Variants in SNW1 observed in about 807,000 individuals in gnomAD.
SNW1 encodes SNW domain containing 1, also known as SNW domain-containing protein 1.
A neutral mutation model predicts 75.6 loss-of-function variants in SNW1; 9 were observed. The ratio of observed to expected loss-of-function variants is 0.12; its 90% CI spans 0.07 to 0.21. SNW1 has a LOEUF of 0.21. Among genes scored for constraint, SNW1 ranks in the 10% least tolerant of loss-of-function variants. The pLI, the probability that SNW1 is intolerant of heterozygous loss-of-function variation, is 1.00. For missense variants in SNW1, 409 were observed against 670.9 expected, an observed-to-expected ratio of 0.61 and a Z score of 4.31; for synonymous variants, 200 against 219.1, an observed-to-expected ratio of 0.91 and a Z score of 0.77.
At chr14:77,727,863 A>G (rs868179673) in intron 10 of SNW1, among the ~76,000 whole-genome samples, 38 of 151,936 alleles carry the variant, frequency 2.5e-4, no homozygotes, top group African/African-American at 8.9e-4. Flanking sequence ...TTTTTGTTGT[A>G]TATTTGTCTA....
intron 8 of SNW1, among the ~76,000 whole-genome samples, chr14:77,733,346 TCAAA>T (rs1376707611): frequency 2.0e-5 from 3 of 152,302 alleles, no homozygotes; most frequent in South Asian, 4.1e-4. Flanking sequence ...AATTTAACAG[TCAAA>T]CAAAGGTAGA....
chr14:77,747,521 G>A (rs1297034130), intron 3 of SNW1, among the ~76,000 whole-genome samples: 1 of 151,198 alleles, frequency 6.6e-6, no homozygotes, highest in Non-Finnish European at 1.5e-5. Context: ...GAGCGCCTCT[G>A]CCCCGCCGCC....
At chr14:77,741,303 C>G (rs1386510381) in intron 3 of SNW1, among the ~76,000 whole-genome samples, 1 of 151,962 alleles carries the variant, frequency 6.6e-6, no homozygotes, top group Non-Finnish European at 1.5e-5. Context: ...AGCTTGAGCC[C>G]AGGAATTCGA....
intron 9 of SNW1, among the ~76,000 whole-genome samples, chr14:77,731,908 G>C (rs917084612): frequency 2.6e-4 from 40 of 152,120 alleles, no homozygotes; most frequent in African/African-American, 9.2e-4. Flanking sequence ...GCTAATGTTT[G>C]TATTTTTAGT....
intron 3 of SNW1, among the ~76,000 whole-genome samples, chr14:77,748,901 T>A (rs1193832799): frequency 1.3e-5 from 2 of 152,164 alleles, no homozygotes; most frequent in African/African-American, 4.8e-5. Context: ...TGTATAATTT[T>A]TTTTAAAAAA....
chr14:77,729,811 G>C (rs1222715600), intron 10 of SNW1, among the ~76,000 whole-genome samples: 1 of 152,070 alleles, frequency 6.6e-6, no homozygotes, highest in Non-Finnish European at 1.5e-5. Context: ...TTTGCCAATT[G>C]TACCTCAATA....
At chr14:77,718,605 G>C (rs1017686236) in intron 12 of SNW1, 75 bp from the exon 13 acceptor site, 1 of 984,650 alleles carries the variant, frequency 1.0e-6, no homozygotes, top group African/African-American at 1.6e-5. Flanking sequence ...CATGTTTACA[G>C]TAAACCCTTG....
In SNW1 at chr14:77,760,369, T is replaced by G. The variant is rs187893233; in HGVS notation, c.14+745A>C. Among the ~76,000 whole-genome samples, 32 of 152,318 alleles carry G rather than the reference T, an allele frequency of 2.1e-4. No individual in the cohort carries two copies. In the East Asian group the frequency reaches 5.4e-3, roughly 26 times the overall value. On this transcript the variant is annotated intron_variant, in intron 1 of 13. Transcript: ENST00000261531. ...CTAGCCTTTTCCTGTTGAGTTCGCA[T>G]GGAAAGTTTTTCCACTTAAAATGGG...
chr14:77,718,899 C>A (rs1302948967), intron 12 of SNW1, among the ~76,000 whole-genome samples: 1 of 152,066 alleles, frequency 6.6e-6, no homozygotes, highest in African/African-American at 2.4e-5. Context: ...TTAGTAGAGA[C>A]AGAGTTTCAC....
At chr14:77,722,218 C>T (rs2080546809) in intron 11 of SNW1, among the ~76,000 whole-genome samples, 2 of 152,116 alleles carry the variant, frequency 1.3e-5, no homozygotes, top group Admixed American at 1.3e-4. Flanking sequence ...ACTTTTAGTC[C>T]TCAGCCTTTG....
chr14:77,720,891 A>G, intron 11 of SNW1, 63 bp from the exon 12 acceptor site: 1 of 986,300 alleles, frequency 1.0e-6, no homozygotes, highest in Non-Finnish European at 1.6e-6. Flanking sequence ...TATGTTCAAT[A>G]GAAATACAAC....
At chr14:77,724,511 C>A (rs569395261) in intron 10 of SNW1, among the ~76,000 whole-genome samples, 1 of 152,208 alleles carries the variant, frequency 6.6e-6, no homozygotes, top group Non-Finnish European at 1.5e-5. Context: ...CATTCCCTGT[C>A]CCCAACATCC....
Position 77,739,105 on chromosome 14 carries a change from G to A in SNW1, c.331-44C>T, listed in dbSNP as rs1259293737. 8 of 1,428,584 alleles carry A rather than the reference G, an allele frequency of 5.6e-6. No individual in the cohort carries two copies. The South Asian group carries it at 5.7e-5, about 10-fold the overall frequency. 88.5% of individuals were successfully genotyped at this position (1,428,584 alleles called of 1,614,324 possible). Reference sequence around the variant, plus strand: ...AGCAGGCTTAAGAAAAGCAAACAACGAAAAGAAACCTCATTAGCCATTTCA... The same window carrying A: ...AGCAGGCTTAAGAAAAGCAAACAACAAAAAGAAACCTCATTAGCCATTTCA... On this transcript the variant is annotated intron_variant, in intron 3 of 13. Coordinates refer to ENST00000261531, the MANE Select transcript of SNW1 (RefSeq NM_012245.3).
At chr14:77,726,992 G>A (rs894558125) in intron 10 of SNW1, among the ~76,000 whole-genome samples, 11 of 151,918 alleles carry the variant, frequency 7.2e-5, no homozygotes, top group African/African-American at 2.4e-4. Context: ...TTTTTTGGTG[G>A]CATCATTAGG....
intron 9 of SNW1, among the ~76,000 whole-genome samples, chr14:77,731,748 A>C (rs1019130220): frequency 5.3e-5 from 8 of 152,056 alleles, no homozygotes; most frequent in Non-Finnish European, 1.2e-4. Context: ...ATTTACATAT[A>C]TTTTTTGAGA....
intron 2 of SNW1, 58 bp from the exon 3 acceptor site, chr14:77,751,538 A>C (rs1356489720): frequency 3.0e-6 from 4 of 1,339,826 alleles, no homozygotes; most frequent in Non-Finnish European, 3.1e-6. Flanking sequence ...TTCAAGATAT[A>C]TTCATTCATT....
chr14:77,759,112 G>A (rs1049989666), intron 1 of SNW1, among the ~76,000 whole-genome samples: 1 of 152,024 alleles, frequency 6.6e-6, no homozygotes, highest in Non-Finnish European at 1.5e-5. Flanking sequence ...ATATTACAAA[G>A]AATACTGAGG....
intron 2 of SNW1, 116 bp from the exon 3 acceptor site, chr14:77,751,596 G>T: frequency 1.4e-6 from 1 of 728,034 alleles, no homozygotes; most frequent in Non-Finnish European, 2.1e-6. Flanking sequence ...TAGAGATACA[G>T]CAGAGTTCCC....
At chr14:77,723,064 G>A in intron 11 of SNW1, 117 bp downstream of exon 11, 1 of 767,350 alleles carries the variant, frequency 1.3e-6, no homozygotes. Context: ...AGCCAGGATG[G>A]TCTCGATCTC....
Sources: allele counts gnomAD v4.1 joint callset (sites outside exome capture counted in the v4.1 genomes callset), GRCh38; gene constraint gnomAD v4.1.1; transcripts MANE v1.5; gene names NCBI Gene and HGNC (gene_info 2026-07-23, HGNC 2026-07-21).